MAGI1: variants seen among roughly 807,000 people sequenced by gnomAD.
MAGI1 encodes membrane-associated guanylate kinase, WW and PDZ domain-containing protein 1.
MAGI1 carries 58 observed loss-of-function variants against 139.9 expected under a neutral mutation model. That is an observed-to-expected ratio of 0.41 (90% CI 0.34 to 0.52). The LOEUF (loss-of-function observed/expected upper bound fraction) is 0.52. Ranked by LOEUF, MAGI1 falls within the 20% of genes least tolerant of loss-of-function variation. The pLI, the probability that MAGI1 is intolerant of heterozygous loss-of-function variation, is 0.12. For missense variants in MAGI1, 1,874 were observed against 1,901.6 expected (o/e 0.99, Z 0.27); for synonymous variants, 812 against 737.9 (o/e 1.10, Z -1.63).
intron 12 of MAGI1, chr3:65,402,051 C>T: frequency 3.7e-6 from 1 of 273,200 alleles, no homozygotes; most frequent in Middle Eastern, 1.8e-3. Flanking sequence ...ACACAGAATG[C>T]TAACAAATGA....
At chr3:65,999,004 A>G (rs2066602035) in intron 1 of MAGI1, among the ~76,000 whole-genome samples, 1 of 152,214 alleles carries the variant, frequency 6.6e-6, no homozygotes, top group African/African-American at 2.4e-5. Flanking sequence ...ACATTCTAGA[A>G]GTACCTTTTC....
intron 19 of MAGI1, 62 bp from the exon 20 acceptor site, chr3:65,364,787 G>A: frequency 3.1e-6 from 5 of 1,604,790 alleles, no homozygotes; most frequent in Non-Finnish European, 4.3e-6. Context: ...AAGAATCAAG[G>A]ACATATATTG....
chr3:65,930,390 G>A (rs940525491), intron 1 of MAGI1, among the ~76,000 whole-genome samples: 2 of 149,650 alleles, frequency 1.3e-5, no homozygotes, highest in African/African-American at 4.9e-5. Flanking sequence ...TTGTGTCTCA[G>A]TCTTTACTAC....
At chr3:65,739,788 T>C (rs1423657526) in intron 1 of MAGI1, among the ~76,000 whole-genome samples, 2 of 152,172 alleles carry the variant, frequency 1.3e-5, no homozygotes, top group African/African-American at 2.4e-5. Flanking sequence ...TGCCATCTTA[T>C]ATGGGTATAG....
intron 6 of MAGI1, among the ~76,000 whole-genome samples, chr3:65,452,023 C>G (rs1052052078): frequency 3.9e-5 from 6 of 152,124 alleles, no homozygotes; most frequent in Non-Finnish European, 7.3e-5. Context: ...AAACAGAATA[C>G]TGAAATAATC....
In MAGI1 at chr3:65,363,717, CTT is replaced by C. The variant is rs546413941; in HGVS notation, c.3352-111_3352-110del. 1.3e-4 allele frequency: 107 copies of C among 845,614 alleles called. No individual in the cohort carries two copies. In the East Asian group the frequency reaches 2.7e-3, roughly 21 times the overall value. The allele number at this position is 845,614 out of a possible 1,614,324, so 52.4% of individuals were successfully genotyped here. A position where few individuals can be genotyped will look rare whatever the true frequency, so the allele number is the denominator to read the frequency against. On this transcript the variant is annotated intron_variant, in intron 20 of 22. Transcript: ENST00000402939. ...AATCTCTATCCCCCTCTTGGTGACT[CTT>C]GTTTATTAATAATCTTGATTCATCC...
intron 1 of MAGI1, among the ~76,000 whole-genome samples, chr3:65,815,083 C>T (rs2041514580): frequency 1.3e-5 from 2 of 152,134 alleles, no homozygotes; most frequent in South Asian, 2.1e-4. Context: ...GCCATGAGAG[C>T]CCCTTCTCTA....
intron 1 of MAGI1, among the ~76,000 whole-genome samples, chr3:65,632,135 A>G (rs1164796440): frequency 1.3e-5 from 2 of 152,218 alleles, no homozygotes; most frequent in African/African-American, 2.4e-5. Context: ...TAGAATTACT[A>G]GATTGATGAG....
chr3:65,638,503 G>A lies in MAGI1; in HGVS notation c.314-16415C>T, dbSNP rs931961981. Among the ~76,000 whole-genome samples the A allele has an allele frequency of 3.3e-5, 5 of 149,806 alleles. No homozygotes were observed. The South Asian group carries it at 6.3e-4, about 19-fold the overall frequency. ...TCTGTTTGTACTACACTGTATGGCC[G>A]AAGGTGTGCAAGCAGAGACAGAATT... On this transcript the variant is annotated intron_variant, in intron 1 of 22. Transcript: ENST00000402939.
At chr3:65,507,918 C>A (rs2077366342) in intron 2 of MAGI1, among the ~76,000 whole-genome samples, 1 of 151,312 alleles carries the variant, frequency 6.6e-6, no homozygotes, top group African/African-American at 2.4e-5. Flanking sequence ...ACAACAGCAA[C>A]ATAAAAAACC....
rs1197637437 is a variant in MAGI1, at chr3:65,355,400, A to T, written c.*978T>A. On this transcript the variant is annotated 3_prime_UTR_variant, in exon 23 of 23. Coordinates refer to ENST00000402939, the MANE Select transcript of MAGI1 (RefSeq NM_001033057.2). ...CACCAAGGCTCATTGCCTCCTCCCC[A>T]GTTTGGCAAAGGGCAACCATGGGCT... 1 of 152,202 alleles carries T rather than the reference A, an allele frequency of 6.6e-6. No individual in the cohort carries two copies. Among genetic ancestry groups the T allele is most frequent in the Admixed American group, 6.5e-5 (1 of 15,282 alleles). 9.4% of individuals were successfully genotyped at this position (152,202 alleles called of 1,614,324 possible). A position where few individuals can be genotyped will look rare whatever the true frequency, so the allele number is the denominator to read the frequency against.
intron 1 of MAGI1, among the ~76,000 whole-genome samples, chr3:65,988,362 G>T (rs946328549): frequency 6.6e-6 from 1 of 152,214 alleles, no homozygotes; most frequent in Admixed American, 6.5e-5. Context: ...AGTGAAGGGG[G>T]TTATGCAGAC....
chr3:65,431,739 C>T (rs976371179), intron 10 of MAGI1, among the ~76,000 whole-genome samples: 1 of 152,066 alleles, frequency 6.6e-6, no homozygotes, highest in South Asian at 2.1e-4. Context: ...GTAATCCTAG[C>T]ACTTTGGGAG....
intron 2 of MAGI1, among the ~76,000 whole-genome samples, chr3:65,574,384 A>C (rs998991529): frequency 2.0e-5 from 3 of 151,296 alleles, no homozygotes; most frequent in African/African-American, 7.3e-5. Flanking sequence ...TGACAGCAAC[A>C]AAATATATAA....
At chr3:65,738,331 C>T (rs1004175547) in intron 1 of MAGI1, among the ~76,000 whole-genome samples, 1 of 152,208 alleles carries the variant, frequency 6.6e-6, no homozygotes, top group Non-Finnish European at 1.5e-5. Flanking sequence ...GCCACCACCC[C>T]AAGCCAATTT....
At chr3:65,850,906 A>T (rs2108391199) in intron 1 of MAGI1, among the ~76,000 whole-genome samples, 1 of 152,272 alleles carries the variant, frequency 6.6e-6, no homozygotes, top group East Asian at 1.9e-4. Context: ...CAGGAGTTCG[A>T]GACCAGCCTG....
At chr3:65,650,616 C>A (rs1174892546) in intron 1 of MAGI1, among the ~76,000 whole-genome samples, 1 of 152,174 alleles carries the variant, frequency 6.6e-6, no homozygotes, top group Non-Finnish European at 1.5e-5. Context: ...CAACGTCTGG[C>A]CTCCAGAACT....
intron 3 of MAGI1, among the ~76,000 whole-genome samples, chr3:65,491,298 G>A (rs1465700211): frequency 6.6e-6 from 1 of 152,122 alleles, no homozygotes; most frequent in Non-Finnish European, 1.5e-5. Context: ...ATTCAGTGAA[G>A]ATAATAGCCG....
At chr3:65,482,670 G>A (rs953890265) in intron 3 of MAGI1, among the ~76,000 whole-genome samples, 9 of 152,158 alleles carry the variant, frequency 5.9e-5, no homozygotes, top group East Asian at 1.9e-4. Flanking sequence ...CTTATTTCCC[G>A]TACTGAAACC....
Sources: gnomAD v4.1 joint callset for allele counts (sites outside exome capture counted in the v4.1 genomes callset) on GRCh38, gnomAD v4.1.1 for gene constraint, MANE v1.5 for transcripts, NCBI Gene and HGNC (gene_info 2026-07-23, HGNC 2026-07-21) for gene names.